TGFA: variants seen among roughly 807,000 people sequenced by gnomAD.
TGFA encodes protransforming growth factor alpha.
In TGFA, 12 loss-of-function variants were observed where a neutral mutation model predicts 21.7. That is an observed-to-expected ratio of 0.55 (90% CI 0.35 to 0.90). The LOEUF (loss-of-function observed/expected upper bound fraction) is 0.90, where lower values mean the gene tolerates loss of function less well. TGFA is among the 40% of genes least tolerant of loss of function. TGFA has a pLI of 0.01. For missense variants in TGFA, 178 were observed against 210.8 expected (o/e 0.84, Z 0.96); for synonymous variants, 79 against 88.1 (o/e 0.90, Z 0.58).
At chr2:70,551,881 G>A (rs1041495407) in intron 1 of TGFA, among the ~76,000 whole-genome samples, 2 of 152,178 alleles carry the variant, frequency 1.3e-5, no homozygotes, top group Admixed American at 1.3e-4. Context: ...AATGAATGCA[G>A]TCTTTGTGGG....
At chr2:70,473,210 G>A (rs566376589) in intron 2 of TGFA, among the ~76,000 whole-genome samples, 9 of 152,232 alleles carry the variant, frequency 5.9e-5, no homozygotes, top group African/African-American at 1.9e-4. Flanking sequence ...TCCAAGCTTG[G>A]GAGGTGATGC....
intron 1 of TGFA, among the ~76,000 whole-genome samples, chr2:70,540,422 G>T (rs1431289150): frequency 6.6e-6 from 1 of 152,180 alleles, no homozygotes; most frequent in Admixed American, 6.5e-5. Context: ...TGAGATTTGA[G>T]ATCAGTGAGT....
chr2:70,488,509 C>T (rs1272145678), intron 2 of TGFA, among the ~76,000 whole-genome samples: 1 of 152,196 alleles, frequency 6.6e-6, no homozygotes, highest in African/African-American at 2.4e-5. Flanking sequence ...AGTCTTTCTA[C>T]TTAGTTCTAC....
intron 3 of TGFA, among the ~76,000 whole-genome samples, chr2:70,463,021 A>T (rs567144276): frequency 6.6e-6 from 1 of 151,910 alleles, no homozygotes; most frequent in Non-Finnish European, 1.5e-5. Context: ...TTTGAGGTGA[A>T]TTTTGCCAAG....
rs140192020 is a variant in TGFA, at chr2:70,506,281, C to T, written c.94+8578G>A. 4.8e-3 allele frequency among the ~76,000 whole-genome samples: 732 copies of T among 152,286 alleles called. 13 individuals are homozygous for T. The highest frequency in any genetic ancestry group is 0.016 in the African/African-American group (669 of 41,546). On this transcript the variant is annotated intron_variant, in intron 2 of 5. Transcript: ENST00000295400. The stretch of plus-strand genomic sequence containing the variant: ...CAGACTCCCAGTGACCAGCACTGTC[C>T]GGCCGAGGTAAAGCAAGAACTTGGG...
intron 2 of TGFA, among the ~76,000 whole-genome samples, chr2:70,489,575 G>A (rs1323269828): frequency 2.6e-5 from 4 of 152,170 alleles, no homozygotes; most frequent in East Asian, 1.9e-4. Flanking sequence ...CTTTTCCTTC[G>A]GTGCTTACAA....
chr2:70,520,952 G>A (rs1285453161), intron 1 of TGFA, among the ~76,000 whole-genome samples: 1 of 151,980 alleles, frequency 6.6e-6, no homozygotes, highest in African/African-American at 2.4e-5. Flanking sequence ...CAGTATCCAA[G>A]CCAAGCCCTC....
chr2:70,530,292 A>G (rs1190541019), intron 1 of TGFA, among the ~76,000 whole-genome samples: 1 of 152,214 alleles, frequency 6.6e-6, no homozygotes, highest in Non-Finnish European at 1.5e-5. Context: ...GTTCCCTTCC[A>G]GGGTCTGCCC....
chr2:70,506,999 T>A (rs1553500222), intron 2 of TGFA, among the ~76,000 whole-genome samples: 2 of 152,234 alleles, frequency 1.3e-5, no homozygotes, highest in African/African-American at 4.8e-5. Context: ...ATTCCCAGAC[T>A]TCTGAGGCAA....
chr2:70,483,694 C>G (rs1468027583), intron 2 of TGFA, among the ~76,000 whole-genome samples: 1 of 152,176 alleles, frequency 6.6e-6, no homozygotes, highest in African/African-American at 2.4e-5. Context: ...AAGATAGCCT[C>G]AGAAAACCAT....
rs556556434 is a variant in TGFA, at chr2:70,479,108, T to C, written c.95-13372A>G. Reference sequence around the variant, plus strand: ...GACATCTGTACTAGTATAACTAAACTGACAACAGTTGCTTGGACACATTAT... The same window carrying C: ...GACATCTGTACTAGTATAACTAAACCGACAACAGTTGCTTGGACACATTAT... On this transcript the variant is annotated intron_variant, in intron 2 of 5. Coordinates refer to ENST00000295400, the MANE Select transcript of TGFA (RefSeq NM_003236.4). Among the ~76,000 whole-genome samples, 14 of 152,350 alleles carry C rather than the reference T, an allele frequency of 9.2e-5. No individual in the cohort carries two copies. In the South Asian group the frequency reaches 2.3e-3, roughly 25 times the overall value.
chr2:70,542,701 A>G lies in TGFA; in HGVS notation c.40+11027T>C, dbSNP rs542749350. ...CTCAGCAGCCTCAGCTACAAATTAC[A>G]ATGTCATATACTCTCCAAATCAGAA... On this transcript the variant is annotated intron_variant, in intron 1 of 5. Coordinates refer to ENST00000295400, the MANE Select transcript of TGFA (RefSeq NM_003236.4). 3.9e-5 allele frequency among the ~76,000 whole-genome samples: 6 copies of G among 152,326 alleles called. No individual in the cohort carries two copies. In the South Asian group the frequency reaches 1.2e-3, roughly 32 times the overall value.
At position 70,450,129 on chromosome 2, in the gene TGFA, T is replaced by TAATC. The variant is rs781964071; in HGVS notation, c.*726_*729dup. 3 of 152,256 alleles carry TAATC rather than the reference T, an allele frequency of 2.0e-5. No individual in the cohort carries two copies. Among genetic ancestry groups the TAATC allele is most frequent in the African/African-American group, 4.8e-5 (2 of 41,468 alleles). The allele number at this position is 152,256 out of a possible 1,614,324, so 9.4% of individuals were successfully genotyped here. A position where few individuals can be genotyped will look rare whatever the true frequency, so the allele number is the denominator to read the frequency against. On this transcript the variant is annotated 3_prime_UTR_variant, in exon 6 of 6. Coordinates refer to ENST00000295400, the MANE Select transcript of TGFA (RefSeq NM_003236.4). ...CTGTCTTGAAGAGGCCAGACATTTC[T>TAATC]AATCAGTATAGCTTTTCAGTCAGCA...
At chr2:70,454,422 G>A (rs1389728101) in intron 4 of TGFA, among the ~76,000 whole-genome samples, 4 of 152,368 alleles carry the variant, frequency 2.6e-5, no homozygotes, top group African/African-American at 9.6e-5. Flanking sequence ...GGAGCCCAGA[G>A]CAGTGTGCCT....
chr2:70,541,222 T>A (rs1225240801), intron 1 of TGFA, among the ~76,000 whole-genome samples: 1 of 152,240 alleles, frequency 6.6e-6, no homozygotes, highest in Non-Finnish European at 1.5e-5. Context: ...TCAATAGCGA[T>A]GGATTAATAA....
intron 5 of TGFA, among the ~76,000 whole-genome samples, chr2:70,451,479 T>C (rs1553489608): frequency 2.0e-5 from 3 of 152,206 alleles, no homozygotes; most frequent in Non-Finnish European, 2.9e-5. Context: ...CTATATGAGG[T>C]TGTGATATGC....
chr2:70,456,505 C>T lies in TGFA; in HGVS notation c.216-17G>A, dbSNP rs377338687. ...GAATGGCAGCTGGGGAAGAAAGGAA[C>T]GTCAGTGCACTCTCCTGACAAAAGG... On this transcript the variant is annotated splice_polypyrimidine_tract_variant and intron_variant, in intron 3 of 5. Transcript: ENST00000295400. 46 of 1,590,888 alleles carry T rather than the reference C, an allele frequency of 2.9e-5. 2 individuals are homozygous for T. Among genetic ancestry groups the T allele is most frequent in the Admixed American group, 1.7e-4 (10 of 57,420 alleles).
chr2:70,550,817 T>C (rs1673478468), intron 1 of TGFA, among the ~76,000 whole-genome samples: 1 of 152,082 alleles, frequency 6.6e-6, no homozygotes. Flanking sequence ...CGAGACTCCG[T>C]CTCAAAAAAC....
intron 1 of TGFA, among the ~76,000 whole-genome samples, chr2:70,525,211 A>G (rs453870): frequency 0.32 from 49,414 of 152,142 alleles, 10,603 homozygotes; most frequent in African/African-American, 0.61. Flanking sequence ...ACCCTGGTGC[A>G]CAACACCCTG....
Sources: allele counts gnomAD v4.1 joint callset (sites outside exome capture counted in the v4.1 genomes callset), GRCh38; gene constraint gnomAD v4.1.1; transcripts MANE v1.5; gene names NCBI Gene and HGNC (gene_info 2026-07-23, HGNC 2026-07-21).